STAB2: variants seen among roughly 807,000 people sequenced by gnomAD.
The protein encoded by STAB2 is stabilin 2.
In STAB2, 288 loss-of-function variants were observed where a neutral mutation model predicts 338.1. The observed-to-expected ratio is 0.85, with a 90% CI of 0.77 to 0.94. The LOEUF is 0.94. Among genes scored for constraint, STAB2 ranks in the 40% least tolerant of loss-of-function variants. The probability of loss-of-function intolerance (pLI) is 0.00; values close to 1 mark genes in which losing one functional copy is unlikely to be tolerated. For missense variants in STAB2, 3,141 were observed against 3,210.1 expected, an observed-to-expected ratio of 0.98 and a Z score of 0.52; for synonymous variants, 1,202 against 1,193.3, an observed-to-expected ratio of 1.01 and a Z score of -0.15.
chr12:103,677,713 T>G, intron 25 of STAB2, 102 bp downstream of exon 25: 2 of 1,415,206 alleles, frequency 1.4e-6, no homozygotes, highest in Non-Finnish European at 1.9e-6. Flanking sequence ...TTACTGCAGC[T>G]TTTTTCAGTC....
At chr12:103,593,297 T>C (rs897186004) in intron 2 of STAB2, among the ~76,000 whole-genome samples, 1 of 152,222 alleles carries the variant, frequency 6.6e-6, no homozygotes, top group African/African-American at 2.4e-5. Context: ...TGTACAGTTG[T>C]TCCCTTTTCT....
intron 41 of STAB2, among the ~76,000 whole-genome samples, chr12:103,713,273 G>T (rs971252080): frequency 2.0e-5 from 3 of 152,084 alleles, no homozygotes; most frequent in Admixed American, 2.0e-4. Context: ...AAATCTTAAG[G>T]TCATTTTTCT....
chr12:103,669,354 G>A, intron 20 of STAB2, 187 bp from the exon 21 acceptor site: 1 of 590,384 alleles, frequency 1.7e-6, no homozygotes, highest in East Asian at 2.9e-5. Context: ...CAGGGGAGGG[G>A]CTCAGTAGAG....
At chr12:103,690,990 G>A (rs1300838269) in intron 30 of STAB2, among the ~76,000 whole-genome samples, 1 of 152,140 alleles carries the variant, frequency 6.6e-6, no homozygotes, top group African/African-American at 2.4e-5. Context: ...TTATATTAAG[G>A]TAGAGTTAAT....
At chr12:103,630,133 G>A (rs1338665584) in intron 5 of STAB2, among the ~76,000 whole-genome samples, 4 of 152,192 alleles carry the variant, frequency 2.6e-5, no homozygotes, top group Admixed American at 6.5e-5. Flanking sequence ...CAAATGAAAT[G>A]AATGAAATGG....
rs1039698414 is a variant in STAB2 at position 103,654,581 on chromosome 12, T to C, written c.1434T>C (p.His478=). 1 of 1,614,086 alleles carries C rather than the reference T, an allele frequency of 6.2e-7. No homozygotes were observed. Among genetic ancestry groups the C allele is most frequent in the Non-Finnish European group, 8.5e-7 (1 of 1,179,962 alleles). ...ACAATCAAATAAAGCTTAAACTCCA[T>C]GGAGGCAAAAAGAAGGTAAAAATTA... ...DKDNQIKLKL[H]GGKKKVKIIQ... The change falls in exon 13 of 69, where the codon CAT becomes CAC. Residue 478 remains histidine, a synonymous_variant. Coordinates refer to ENST00000388887, the MANE Select transcript of STAB2 (RefSeq NM_017564.10).
At chr12:103,675,495 T>A (rs1876252719) in intron 23 of STAB2, among the ~76,000 whole-genome samples, 1 of 152,222 alleles carries the variant, frequency 6.6e-6, no homozygotes, top group Non-Finnish European at 1.5e-5. Flanking sequence ...CCAGAGGTAA[T>A]AATTAGTATT....
At chr12:103,616,496 G>A (rs1040943472) in intron 3 of STAB2, among the ~76,000 whole-genome samples, 9 of 152,258 alleles carry the variant, frequency 5.9e-5, no homozygotes, top group African/African-American at 2.2e-4. Flanking sequence ...AACAGATTCA[G>A]TGGAATGTGA....
At chr12:103,726,006 T>A in intron 45 of STAB2, 110 bp from the exon 46 acceptor site, 3 of 1,145,780 alleles carry the variant, frequency 2.6e-6, no homozygotes. Context: ...AAAGGCCCGG[T>A]GTTACAGATT....
At chr12:103,692,958 ATT>A (rs11440653) in intron 31 of STAB2, 69 bp downstream of exon 31, 65 of 1,129,116 alleles carry the variant, frequency 5.8e-5, no homozygotes, top group African/African-American at 1.1e-4. Flanking sequence ...CCTATACAGC[ATT>A]TTTTTTTTTA....
intron 18 of STAB2, among the ~76,000 whole-genome samples, chr12:103,664,487 C>CT (rs1380731504): frequency 2.0e-5 from 3 of 152,198 alleles, no homozygotes; most frequent in South Asian, 4.1e-4. Context: ...TCCAATACTG[C>CT]TGTACATGCA....
chr12:103,746,802 G>C, intron 58 of STAB2, 98 bp downstream of exon 58: 8 of 1,207,202 alleles, frequency 6.6e-6, no homozygotes, highest in Non-Finnish European at 9.8e-6. Context: ...CCTCCTTCCT[G>C]TCTGGGCCAC....
chr12:103,636,638 C>T (rs76880940), intron 6 of STAB2, among the ~76,000 whole-genome samples: 320 of 152,196 alleles, frequency 2.1e-3, no homozygotes, highest in African/African-American at 7.4e-3. Flanking sequence ...AGCTGTACTT[C>T]ACTCTAACCC....
intron 27 of STAB2, among the ~76,000 whole-genome samples, chr12:103,685,422 CTGTGTGTGTGTGTG>C (rs141365936): frequency 1.5e-4 from 22 of 145,906 alleles, no homozygotes; most frequent in African/African-American, 4.5e-4. Flanking sequence ...CTTACCCATG[CTGTGTGTGTGTGTG>C]TGTGTGTGTG....
chr12:103,678,354 CATG>C (rs1208716685), intron 25 of STAB2, among the ~76,000 whole-genome samples: 1 of 152,164 alleles, frequency 6.6e-6, no homozygotes. Flanking sequence ...CCTTGCTCAC[CATG>C]ATATCTCCCA....
rs77582880 is a variant in STAB2 at position 103,663,665 on chromosome 12, T to C, written c.2022+667T>C. 9.7e-4 allele frequency among the ~76,000 whole-genome samples: 147 copies of C among 152,286 alleles called. No homozygotes were observed. The East Asian group carries it at 0.027, about 28-fold the overall frequency. The stretch of plus-strand genomic sequence containing the variant: ...GTCCTACCCACCTCTCCTCTTTTTA[T>C]AAGGACATCGATCATTATATTTAAG... On this transcript the variant is annotated intron_variant, in intron 18 of 68. Coordinates refer to ENST00000388887, the MANE Select transcript of STAB2 (RefSeq NM_017564.10).
At chr12:103,621,918 G>T in intron 4 of STAB2, 124 bp from the exon 5 acceptor site, 1 of 791,414 alleles carries the variant, frequency 1.3e-6, no homozygotes, top group Non-Finnish European at 2.1e-6. Context: ...GAAAGAAGAA[G>T]CTCCAGGATA....
At chr12:103,649,814 A>G (rs927983821) in intron 10 of STAB2, among the ~76,000 whole-genome samples, 1 of 152,046 alleles carries the variant, frequency 6.6e-6, no homozygotes, top group South Asian at 2.1e-4. Context: ...TAGAATACCA[A>G]ATGGGACCAG....
chr12:103,745,317 T>G, intron 57 of STAB2, 40 bp downstream of exon 57: 15 of 1,580,554 alleles, frequency 9.5e-6, no homozygotes, highest in Non-Finnish European at 1.2e-5. Context: ...AGCCCAGGGC[T>G]GCAGTGGACA....
Sources: gnomAD v4.1 joint callset for allele counts (sites outside exome capture counted in the v4.1 genomes callset) on GRCh38, gnomAD v4.1.1 for gene constraint, MANE v1.5 for transcripts, NCBI Gene and HGNC (gene_info 2026-07-23, HGNC 2026-07-21) for gene names.